The following SSH2 variants were observed in gnomAD, a reference collection of about 807,000 sequenced individuals.
SSH2 encodes the protein protein phosphatase Slingshot homolog 2.
In SSH2, 37 loss-of-function variants were observed where a neutral mutation model predicts 135.2. That is an observed-to-expected ratio of 0.27 (90% CI 0.21 to 0.36). SSH2 has a LOEUF of 0.36. SSH2 is among the 10% of genes least tolerant of loss of function. SSH2 has a pLI of 1.00. For synonymous variants in SSH2, 628 were observed against 646.2 expected, an observed-to-expected ratio of 0.97 and a Z score of 0.43; for missense variants, 1,408 against 1,765.3, an observed-to-expected ratio of 0.80 and a Z score of 3.63.
At chr17:29,758,729 C>T (rs974558557) in intron 3 of SSH2, among the ~76,000 whole-genome samples, 3 of 152,102 alleles carry the variant, frequency 2.0e-5, no homozygotes, top group Non-Finnish European at 4.4e-5. Flanking sequence ...GCTTATAATC[C>T]CTGTCTTTTA....
chr17:29,923,676 T>A (rs2067015641), intron 1 of SSH2, among the ~76,000 whole-genome samples: 1 of 149,832 alleles, frequency 6.7e-6, no homozygotes, highest in South Asian at 2.1e-4. Flanking sequence ...TGCCAACCGA[T>A]AATGGAATGG....
At chr17:29,782,985 C>T (rs577313777) in intron 3 of SSH2, among the ~76,000 whole-genome samples, 11 of 151,974 alleles carry the variant, frequency 7.2e-5, no homozygotes, top group South Asian at 4.2e-4. Context: ...GCTTCCAAAG[C>T]GCTGTGATTA....
At chr17:29,822,398 G>A (rs1034510294) in intron 2 of SSH2, among the ~76,000 whole-genome samples, 5 of 149,558 alleles carry the variant, frequency 3.3e-5, no homozygotes, top group Admixed American at 2.7e-4. Context: ...GTCGCACTCC[G>A]TCACCTAGGC....
chr17:29,786,573 T>G (rs555089104), intron 3 of SSH2, among the ~76,000 whole-genome samples: 1 of 152,192 alleles, frequency 6.6e-6, no homozygotes, highest in East Asian at 1.9e-4. Context: ...CAATAGTCAA[T>G]GATATAAAAC....
chr17:29,879,202 T>A (rs765141330), intron 1 of SSH2, among the ~76,000 whole-genome samples: 1 of 152,148 alleles, frequency 6.6e-6, no homozygotes, highest in Non-Finnish European at 1.5e-5. Flanking sequence ...ATTGAAAATC[T>A]GTAATATAGT....
chr17:29,841,340 A>C (rs1363778609), intron 2 of SSH2, among the ~76,000 whole-genome samples: 1 of 152,220 alleles, frequency 6.6e-6, no homozygotes, highest in Non-Finnish European at 1.5e-5. Context: ...AGTGATCTTT[A>C]ATTATTTTTT....
intron 4 of SSH2, among the ~76,000 whole-genome samples, chr17:29,699,142 C>G (rs1485816221): frequency 3.3e-5 from 5 of 152,214 alleles, no homozygotes; most frequent in Non-Finnish European, 7.3e-5. Flanking sequence ...ATAACCTTCC[C>G]TACATTTCCC....
At chr17:29,852,204 C>T (rs1423563623) in intron 1 of SSH2, among the ~76,000 whole-genome samples, 1 of 151,684 alleles carries the variant, frequency 6.6e-6, no homozygotes, top group East Asian at 1.9e-4. Flanking sequence ...ATCACTTCAA[C>T]CCGGGAGATG....
chr17:29,680,902 C>G (rs2037951839), intron 6 of SSH2, among the ~76,000 whole-genome samples: 1 of 151,990 alleles, frequency 6.6e-6, no homozygotes, highest in Non-Finnish European at 1.5e-5. Context: ...TAGAAATTAA[C>G]TATATAAAAA....
At chr17:29,817,286 A>G (rs937368848) in intron 2 of SSH2, among the ~76,000 whole-genome samples, 1 of 152,116 alleles carries the variant, frequency 6.6e-6, no homozygotes, top group Non-Finnish European at 1.5e-5. Flanking sequence ...TAAGGCTCCC[A>G]TATACCTTAC....
chr17:29,861,657 G>A (rs10853135), intron 1 of SSH2, among the ~76,000 whole-genome samples: 60,470 of 151,554 alleles, frequency 0.4, 14,560 homozygotes, highest in East Asian at 0.69. Flanking sequence ...TTCCACTGCC[G>A]GGTTCAAGAG....
At chr17:29,898,251 T>C (rs1384584435) in intron 1 of SSH2, among the ~76,000 whole-genome samples, 1 of 151,984 alleles carries the variant, frequency 6.6e-6, no homozygotes, top group Non-Finnish European at 1.5e-5. Flanking sequence ...ATTCAAAAGC[T>C]AGCAGAAGGC....
intron 5 of SSH2, among the ~76,000 whole-genome samples, chr17:29,685,927 C>T (rs1598799527): frequency 6.6e-6 from 1 of 151,288 alleles, no homozygotes; most frequent in South Asian, 2.1e-4. Context: ...CGGCTCACCG[C>T]AACCTCTGCC....
intron 1 of SSH2, among the ~76,000 whole-genome samples, chr17:29,916,745 A>G (rs2066889145): frequency 6.6e-6 from 1 of 152,204 alleles, no homozygotes; most frequent in African/African-American, 2.4e-5. Context: ...CTAAATCACA[A>G]TCACTTTATC....
chr17:29,798,428 A>T (rs183377562), intron 2 of SSH2, among the ~76,000 whole-genome samples: 8 of 152,268 alleles, frequency 5.3e-5, no homozygotes, highest in Admixed American at 4.6e-4. Context: ...AAGTGCTGGG[A>T]TTACAGGTGT....
chr17:29,655,861 A>G (rs1212882668), intron 11 of SSH2, among the ~76,000 whole-genome samples: 5 of 152,220 alleles, frequency 3.3e-5, no homozygotes, highest in African/African-American at 1.2e-4. Context: ...CCATGATCAT[A>G]CAGCAGGAGA....
intron 3 of SSH2, among the ~76,000 whole-genome samples, chr17:29,731,772 C>A (rs1332348502): frequency 6.6e-6 from 1 of 152,138 alleles, no homozygotes; most frequent in Admixed American, 6.5e-5. Flanking sequence ...AAGGTTATGT[C>A]ACAATGGGCT....
Position 29,715,708 on chromosome 17 carries a change from A to C in SSH2, c.189-12646T>G, listed in dbSNP as rs1047004354. ...CTGTTTAGCACATTACCTGACACTA[A>C]ATAAATGTTTAGCAATTATAGTAAT... On this transcript the variant is annotated intron_variant, in intron 3 of 15. Transcript: ENST00000540801. 9.8e-5 allele frequency among the ~76,000 whole-genome samples: 15 copies of C among 152,328 alleles called. 1 individual carries two copies. In the South Asian group the frequency reaches 1.4e-3, roughly 15 times the overall value.
At chr17:29,785,491 ATTTTTTTTTTTTTT>A (rs34346245) in intron 3 of SSH2, among the ~76,000 whole-genome samples, 2 of 78,496 alleles carry the variant, frequency 2.5e-5, no homozygotes, top group African/African-American at 5.3e-5. Context: ...TTGGCGTTTC[ATTTTTTTTTTTTTT>A]TTTTTTTTTT....
Sources: gnomAD v4.1 joint callset for allele counts (sites outside exome capture counted in the v4.1 genomes callset) on GRCh38, gnomAD v4.1.1 for gene constraint, MANE v1.5 for transcripts, NCBI Gene and HGNC (gene_info 2026-07-23, HGNC 2026-07-21) for gene names.